SPOCK1: variants seen among roughly 807,000 people sequenced by gnomAD.
SPOCK1 encodes SPARC (osteonectin), cwcv and kazal like domains proteoglycan 1, also known as testican-1.
A neutral mutation model predicts 55.3 loss-of-function variants in SPOCK1; 23 were observed. The ratio of observed to expected loss-of-function variants is 0.42; its 90% CI spans 0.30 to 0.59. The LOEUF is 0.59. SPOCK1 is among the 20% of genes least tolerant of loss of function. The pLI is 0.22. For missense variants in SPOCK1, 499 were observed against 552.5 expected, an observed-to-expected ratio of 0.90 and a Z score of 0.97; for synonymous variants, 226 against 221.0, an observed-to-expected ratio of 1.02 and a Z score of -0.20.
intron 6 of SPOCK1, among the ~76,000 whole-genome samples, chr5:137,045,035 G>A (rs1249772058): frequency 1.5e-5 from 2 of 136,694 alleles, no homozygotes; most frequent in African/African-American, 5.6e-5. Flanking sequence ...TCTTAATCCA[G>A]TCTATCATTG....
At chr5:137,193,454 G>C (rs1755229186) in intron 3 of SPOCK1, among the ~76,000 whole-genome samples, 2 of 152,200 alleles carry the variant, frequency 1.3e-5, no homozygotes, top group African/African-American at 4.8e-5. Context: ...GCAGAAAGCA[G>C]TGGAGAAGAA....
At position 137,421,467 on chromosome 5, in the gene SPOCK1, G is replaced by T. The variant is rs1180864709; in HGVS notation, c.186+76906C>A. ...CTAGGTCTCTAAGGACTTGCTTTAT[G>T]AATCTGGGTGCTCCTGTATTGGGTG... On this transcript the variant is annotated intron_variant, in intron 2 of 10. Coordinates refer to ENST00000394945, the MANE Select transcript of SPOCK1 (RefSeq NM_004598.4). Among the ~76,000 whole-genome samples the T allele has an allele frequency of 2.0e-5, 3 of 152,312 alleles. No homozygotes were observed. The East Asian group carries it at 5.8e-4, about 29-fold the overall frequency.
chr5:137,447,777 C>G (rs1753159843), intron 2 of SPOCK1, among the ~76,000 whole-genome samples: 1 of 152,116 alleles, frequency 6.6e-6, no homozygotes, highest in Non-Finnish European at 1.5e-5. Flanking sequence ...TCTATGCCTG[C>G]AAGAAAATCC....
chr5:137,079,576 A>C, intron 5 of SPOCK1, among the ~76,000 whole-genome samples: 1 of 142,104 alleles, frequency 7.0e-6, no homozygotes, highest in African/African-American at 2.7e-5. Context: ...CAAAGATCCC[A>C]AACTAACATT....
chr5:137,028,277 G>A (rs111468362), intron 6 of SPOCK1, among the ~76,000 whole-genome samples: 4 of 152,334 alleles, frequency 2.6e-5, no homozygotes, highest in African/African-American at 9.6e-5. Flanking sequence ...ACCTCAGCCA[G>A]GCTCTTACTG....
chr5:137,231,082 C>G (rs1756050467), intron 3 of SPOCK1, among the ~76,000 whole-genome samples: 1 of 151,224 alleles, frequency 6.6e-6, no homozygotes. Context: ...TCACTCTTGT[C>G]CCCCAGGCTG....
chr5:137,086,677 C>T (rs1054684939), intron 5 of SPOCK1, among the ~76,000 whole-genome samples: 12 of 152,166 alleles, frequency 7.9e-5, no homozygotes, highest in African/African-American at 2.9e-4. Flanking sequence ...CTGTGCAGCC[C>T]CTGTCACGTG....
chr5:137,189,732 A>G (rs1345577431), intron 3 of SPOCK1, among the ~76,000 whole-genome samples: 1 of 152,206 alleles, frequency 6.6e-6, no homozygotes, highest in African/African-American at 2.4e-5. Flanking sequence ...TATATTTCAT[A>G]AGGCTATAGT....
At chr5:137,007,601 G>C (rs1031669181) in intron 6 of SPOCK1, among the ~76,000 whole-genome samples, 1 of 152,114 alleles carries the variant, frequency 6.6e-6, no homozygotes. Flanking sequence ...ACCATCTCAG[G>C]CCAGTTAGAA....
rs1014281043 is a variant in SPOCK1, at chr5:136,977,481, G to A, written c.*1173C>T. 4.2e-6 allele frequency: 1 copy of A among 236,650 alleles called. No homozygotes were observed. The highest frequency in any genetic ancestry group is 8.1e-6 in the Non-Finnish European group (1 of 123,964). The allele number at this position is 236,650 out of a possible 1,614,324, so 14.7% of individuals were successfully genotyped here. Reference sequence around the variant, plus strand: ...TTATCATGATTTGTCAGTAGAAAGGGAGTAAAAGCAAAACATTGAGTTCAG... The same window carrying A: ...TTATCATGATTTGTCAGTAGAAAGGAAGTAAAAGCAAAACATTGAGTTCAG... On this transcript the variant is annotated 3_prime_UTR_variant, in exon 11 of 11. Transcript: ENST00000394945.
chr5:137,380,676 A>T (rs1446081507), intron 2 of SPOCK1, among the ~76,000 whole-genome samples: 1 of 152,172 alleles, frequency 6.6e-6, no homozygotes, highest in African/African-American at 2.4e-5. Flanking sequence ...AGATCTCATG[A>T]GAATTTACTC....
chr5:137,180,343 G>A (rs1022179998), intron 3 of SPOCK1, among the ~76,000 whole-genome samples: 13 of 148,644 alleles, frequency 8.7e-5, no homozygotes, highest in Admixed American at 2.0e-4. Context: ...AGTGGGTTTA[G>A]ATAAGGGGGT....
intron 2 of SPOCK1, among the ~76,000 whole-genome samples, chr5:137,437,492 C>T (rs1752890411): frequency 6.6e-6 from 1 of 152,084 alleles, no homozygotes; most frequent in South Asian, 2.1e-4. Flanking sequence ...CAACTATCAC[C>T]ACAATGGATT....
At chr5:137,162,557 A>C (rs977850893) in intron 3 of SPOCK1, among the ~76,000 whole-genome samples, 1 of 152,106 alleles carries the variant, frequency 6.6e-6, no homozygotes, top group African/African-American at 2.4e-5. Flanking sequence ...TGCTTGTCAC[A>C]ACTGTGTGCA....
At position 137,339,791 on chromosome 5, in the gene SPOCK1, G is replaced by A. The variant is rs142031228; in HGVS notation, c.187-72736C>T. Among the ~76,000 whole-genome samples the A allele has an allele frequency of 1.1e-3, 166 of 152,304 alleles. 4 individuals are homozygous for A. The highest frequency in any genetic ancestry group is 0.01 in the Middle Eastern group (3 of 294). ...CCATGATTCTACTTCTAAGCCAGGAGCCCTGATTCACTGTAGACTATAGAA... is the reference window on the plus strand; with the variant it reads ...CCATGATTCTACTTCTAAGCCAGGAACCCTGATTCACTGTAGACTATAGAA... On this transcript the variant is annotated intron_variant, in intron 2 of 10. Coordinates refer to ENST00000394945, the MANE Select transcript of SPOCK1 (RefSeq NM_004598.4).
At chr5:137,136,642 C>T (rs1753990351) in intron 4 of SPOCK1, among the ~76,000 whole-genome samples, 1 of 152,010 alleles carries the variant, frequency 6.6e-6, no homozygotes. Context: ...TTTTTCTCTA[C>T]TTTTAATGTT....
chr5:137,219,409 T>C (rs1755803068), intron 3 of SPOCK1, among the ~76,000 whole-genome samples: 2 of 152,110 alleles, frequency 1.3e-5, no homozygotes, highest in African/African-American at 4.8e-5. Flanking sequence ...GCCAGACATC[T>C]CCGCTGCTAG....
At chr5:137,148,666 G>A (rs1361310241) in intron 3 of SPOCK1, among the ~76,000 whole-genome samples, 4 of 152,184 alleles carry the variant, frequency 2.6e-5, no homozygotes, top group Admixed American at 6.5e-5. Flanking sequence ...CAATGACAAC[G>A]ACCAACTATA....
intron 6 of SPOCK1, among the ~76,000 whole-genome samples, chr5:136,993,887 C>T (rs4276397): frequency 0.19 from 29,103 of 152,070 alleles, 3,455 homozygotes; most frequent in African/African-American, 0.32. Flanking sequence ...GTGATCAGCC[C>T]CCATCGGCCT....
Sources: allele counts gnomAD v4.1 joint callset (sites outside exome capture counted in the v4.1 genomes callset), GRCh38; gene constraint gnomAD v4.1.1; transcripts MANE v1.5; gene names NCBI Gene and HGNC (gene_info 2026-07-23, HGNC 2026-07-21).